Variants in FTO observed in about 807,000 individuals in gnomAD.
The protein encoded by FTO is alpha-ketoglutarate-dependent dioxygenase FTO.
Under a neutral mutation model 63.9 loss-of-function variants are expected in FTO, and 47 were observed. That is an observed-to-expected ratio of 0.74 (90% CI 0.58 to 0.94). The LOEUF is 0.94. Ranked by LOEUF, FTO falls within the 40% of genes least tolerant of loss-of-function variation. The probability of loss-of-function intolerance (pLI) is 0.00; values close to 1 mark genes in which losing one functional copy is unlikely to be tolerated. For missense variants in FTO, 562 were observed against 618.1 expected (o/e 0.91, Z 0.96); for synonymous variants, 207 against 224.4 (o/e 0.92, Z 0.69).
chr16:53,947,165 T>C (rs1415860134), intron 8 of FTO, among the ~76,000 whole-genome samples: 2 of 152,106 alleles, frequency 1.3e-5, no homozygotes, highest in Admixed American at 6.5e-5. Flanking sequence ...TTATGGTGGG[T>C]CAAGTTTAAG....
At chr16:53,920,856 G>C (rs987811272) in intron 7 of FTO, among the ~76,000 whole-genome samples, 2 of 151,942 alleles carry the variant, frequency 1.3e-5, no homozygotes, top group Admixed American at 1.3e-4. Flanking sequence ...CAGTTCTCTA[G>C]GCCTGGGGGC....
chr16:53,968,437 C>T (rs1434854155), intron 8 of FTO, among the ~76,000 whole-genome samples: 1 of 152,178 alleles, frequency 6.6e-6, no homozygotes, highest in East Asian at 1.9e-4. Flanking sequence ...AAGTACAGCA[C>T]CATCATCGCC....
intron 7 of FTO, among the ~76,000 whole-genome samples, chr16:53,889,883 C>T (rs1239296120): frequency 6.6e-6 from 1 of 152,120 alleles, no homozygotes; most frequent in African/African-American, 2.4e-5. Flanking sequence ...AAGTACCAGA[C>T]ATTATTCTAG....
chr16:54,058,774 T>C (rs113161190), intron 8 of FTO, among the ~76,000 whole-genome samples: 6,961 of 152,264 alleles, frequency 0.046, 205 homozygotes, highest in South Asian at 0.15. Flanking sequence ...CAATTGGTTG[T>C]GTTTGGGGCC....
rs1003754917 is a variant in FTO at position 54,113,943 on chromosome 16, G to A, written c.*2028G>A. On this transcript the variant is annotated 3_prime_UTR_variant, in exon 9 of 9. Transcript: ENST00000471389. ...CTGCCTCAGCCTCCCAAGTAGCTGG[G>A]ACTACAGGCACGTGCCACCACGCCC... 2.6e-5 allele frequency: 4 copies of A among 152,066 alleles called. No homozygotes were observed. Among genetic ancestry groups the A allele is most frequent in the South Asian group, 2.1e-4 (1 of 4,812 alleles). The allele number at this position is 152,066 out of a possible 1,614,324, so 9.4% of individuals were successfully genotyped here.
intron 1 of FTO, among the ~76,000 whole-genome samples, chr16:53,770,116 C>G (rs1774197389): frequency 6.6e-6 from 1 of 152,054 alleles, no homozygotes. Context: ...GTATTGACTC[C>G]AAACTCCAGA....
chr16:53,990,457 A>G (rs569549951), intron 8 of FTO, among the ~76,000 whole-genome samples: 54 of 152,190 alleles, frequency 3.5e-4, no homozygotes, highest in African/African-American at 1.3e-3. Flanking sequence ...CTTCAATTGT[A>G]GGTCACTTGC....
At chr16:53,841,701 AT>A (rs2151813765) in intron 3 of FTO, among the ~76,000 whole-genome samples, 1 of 152,260 alleles carries the variant, frequency 6.6e-6, no homozygotes, top group South Asian at 2.1e-4. Flanking sequence ...GACATTCAGA[AT>A]TTAGGGATTC....
chr16:54,086,223 C>A (rs549816561), intron 8 of FTO, among the ~76,000 whole-genome samples: 12 of 152,252 alleles, frequency 7.9e-5, no homozygotes, highest in African/African-American at 2.9e-4. Flanking sequence ...GTTATTGGAA[C>A]AAAAATAACC....
chr16:53,719,059 G>C (rs1260454979), intron 1 of FTO, among the ~76,000 whole-genome samples: 1 of 152,116 alleles, frequency 6.6e-6, no homozygotes, highest in Non-Finnish European at 1.5e-5. Flanking sequence ...AGAAGGTAAA[G>C]TGAATAAAAA....
At chr16:53,946,419 T>C (rs1220213200) in intron 8 of FTO, among the ~76,000 whole-genome samples, 1 of 152,266 alleles carries the variant, frequency 6.6e-6, no homozygotes, top group East Asian at 1.9e-4. Flanking sequence ...GCTCAGGACG[T>C]TACTTTTTAG....
At chr16:53,989,491 G>A (rs1425060910) in intron 8 of FTO, among the ~76,000 whole-genome samples, 1 of 152,110 alleles carries the variant, frequency 6.6e-6, no homozygotes, top group Non-Finnish European at 1.5e-5. Flanking sequence ...AGGCAACTCC[G>A]ATTTGGGAAC....
chr16:53,925,386 G>A (rs80174482), intron 7 of FTO, among the ~76,000 whole-genome samples: 2,788 of 152,264 alleles, frequency 0.018, 36 homozygotes, highest in Middle Eastern at 0.037. Flanking sequence ...GTGAGGATGG[G>A]TAGATGGGGA....
intron 1 of FTO, among the ~76,000 whole-genome samples, chr16:53,766,323 T>G (rs543028239): frequency 1.3e-5 from 2 of 152,266 alleles, no homozygotes; most frequent in South Asian, 2.1e-4. Context: ...CCTCCCAGGC[T>G]TCAGCGATCC....
intron 8 of FTO, among the ~76,000 whole-genome samples, chr16:53,950,868 T>C (rs2082780636): frequency 6.6e-6 from 1 of 152,228 alleles, no homozygotes; most frequent in Non-Finnish European, 1.5e-5. Context: ...GCAGCTTTGT[T>C]GTTGAGGGCT....
At chr16:54,084,201 C>G (rs1474418561) in intron 8 of FTO, among the ~76,000 whole-genome samples, 1 of 152,154 alleles carries the variant, frequency 6.6e-6, no homozygotes, top group African/African-American at 2.4e-5. Flanking sequence ...GTTATTTAAC[C>G]CTTCTGAGCT....
chr16:53,815,641 T>G (rs1479815355), intron 2 of FTO, among the ~76,000 whole-genome samples: 1 of 28,826 alleles, frequency 3.5e-5, no homozygotes, highest in African/African-American at 1.2e-4. Flanking sequence ...TTCTTGTTTT[T>G]TTTTTTTTTT....
intron 1 of FTO, among the ~76,000 whole-genome samples, chr16:53,718,007 C>T (rs1156696165): frequency 6.6e-6 from 1 of 152,008 alleles, no homozygotes; most frequent in African/African-American, 2.4e-5. Flanking sequence ...TAAATTTTTT[C>T]CCAGGTAAAT....
chr16:53,880,277 A>G (rs7188247), intron 6 of FTO, among the ~76,000 whole-genome samples: 77,407 of 151,926 alleles, frequency 0.51, 20,451 homozygotes, highest in East Asian at 0.85. Context: ...GATTACAGTC[A>G]TGAGCCACTG....
Sources: allele counts gnomAD v4.1 joint callset (sites outside exome capture counted in the v4.1 genomes callset), GRCh38; gene constraint gnomAD v4.1.1; transcripts MANE v1.5; gene names NCBI Gene and HGNC (gene_info 2026-07-23, HGNC 2026-07-21).